The following EGLN1 variants were observed in gnomAD, a reference collection of about 807,000 sequenced individuals.
EGLN1 encodes egl-9 family hypoxia inducible factor 1.
A neutral mutation model predicts 38.3 loss-of-function variants in EGLN1; 17 were observed. The observed-to-expected ratio is 0.44, with a 90% confidence interval of 0.30 to 0.67. The LOEUF (loss-of-function observed/expected upper bound fraction) is 0.67, where lower values mean the gene tolerates loss of function less well. Among genes scored for constraint, EGLN1 ranks in the 30% least tolerant of loss-of-function variants. The pLI, the probability that EGLN1 is intolerant of heterozygous loss-of-function variation, is 0.08. For synonymous variants in EGLN1, 283 were observed against 257.5 expected, an observed-to-expected ratio of 1.10 and a Z score of -0.95; for missense variants, 477 against 603.3, an observed-to-expected ratio of 0.79 and a Z score of 2.19.
chr1:231,386,521 T>C (rs1688212149), intron 1 of EGLN1, among the ~76,000 whole-genome samples: 1 of 151,560 alleles, frequency 6.6e-6, no homozygotes, highest in South Asian at 2.1e-4. Flanking sequence ...TTTAATGTTA[T>C]TTGTTTTTTC....
chr1:231,404,649 G>C (rs961786918), intron 1 of EGLN1, among the ~76,000 whole-genome samples: 1 of 151,962 alleles, frequency 6.6e-6, no homozygotes, highest in Admixed American at 6.5e-5. Context: ...AAACTCATTT[G>C]TGTGTGAGAT....
At chr1:231,419,888 A>AC (rs1656510592) in intron 1 of EGLN1, among the ~76,000 whole-genome samples, 2 of 152,196 alleles carry the variant, frequency 1.3e-5, no homozygotes, top group Non-Finnish European at 2.9e-5. Flanking sequence ...ACCACTAGTT[A>AC]GAGTCAGCGT....
At chr1:231,401,593 T>C (rs1688665842) in intron 1 of EGLN1, among the ~76,000 whole-genome samples, 1 of 147,722 alleles carries the variant, frequency 6.8e-6, no homozygotes, top group African/African-American at 2.5e-5. Context: ...CTAAATAATT[T>C]ATGTTACAAT....
In EGLN1 at chr1:231,421,494, C is replaced by A; in HGVS notation, c.395G>T (p.Gly132Val). 8 of 1,345,660 alleles carry A rather than the reference C, an allele frequency of 5.9e-6. No homozygotes were observed. The highest frequency in any genetic ancestry group is 6.7e-6 in the Non-Finnish European group (7 of 1,050,018). 83.4% of individuals were successfully genotyped at this position (1,345,660 alleles called of 1,614,324 possible). Residue 132 changes from glycine to valine, a missense_variant, in exon 1 of 5, where the codon GGC becomes GTC. Physicochemically the swap from Gly to Val is moderately radical, Grantham distance 109 (BLOSUM62 -3). Coordinates refer to ENST00000366641, the MANE Select transcript of EGLN1 (RefSeq NM_022051.3). The surrounding 1 kb of genome is among the most constrained non-coding windows in gnomAD (Gnocchi z 5.5). ...AAASPCRAAAGGQGSAVAAEA... is the reference protein window; with the variant it reads ...AAASPCRAAAVGQGSAVAAEA... ...GGCAGCCACCGCCGAGCCCTGGCCG[C>A]CGGCGGCCGCACGACACGGCGACGC...
In EGLN1 at chr1:231,405,043, G is replaced by A. The variant is rs540173607; in HGVS notation, c.891+15955C>T. ...CCAGTAAAACCAAGTCAAGAATTCT[G>A]AATCTAAAATTGAATCTGAACTTCT... On this transcript the variant is annotated intron_variant, in intron 1 of 4. Coordinates refer to ENST00000366641, the MANE Select transcript of EGLN1 (RefSeq NM_022051.3). Among the ~76,000 whole-genome samples, 10 of 152,244 alleles carry A rather than the reference G, an allele frequency of 6.6e-5. No individual in the cohort carries two copies. In the South Asian group the frequency reaches 1.9e-3, roughly 28 times the overall value.
At chr1:231,383,932 T>C (rs561889629) in intron 1 of EGLN1, among the ~76,000 whole-genome samples, 1 of 152,260 alleles carries the variant, frequency 6.6e-6, no homozygotes, top group African/African-American at 2.4e-5. Context: ...TCATTGTAAT[T>C]GGCAAAAAAT....
chr1:231,417,515 C>T (rs1689115455), intron 1 of EGLN1, among the ~76,000 whole-genome samples: 1 of 152,120 alleles, frequency 6.6e-6, no homozygotes, highest in Admixed American at 6.6e-5. Context: ...CACTACTCTT[C>T]ACAAAACAGC....
intron 1 of EGLN1, among the ~76,000 whole-genome samples, chr1:231,392,235 C>T (rs909503472): frequency 2.6e-5 from 4 of 151,724 alleles, no homozygotes; most frequent in Admixed American, 1.3e-4. Flanking sequence ...TGCAGTTAGC[C>T]GAGATCGCGC....
At chr1:231,393,732 T>C (rs1461708462) in intron 1 of EGLN1, among the ~76,000 whole-genome samples, 1 of 152,146 alleles carries the variant, frequency 6.6e-6, no homozygotes, top group East Asian at 1.9e-4. Flanking sequence ...TTTCCAAATC[T>C]CATCCTGCCT....
intron 1 of EGLN1, among the ~76,000 whole-genome samples, chr1:231,392,080 G>A (rs1386744706): frequency 6.6e-6 from 1 of 152,136 alleles, no homozygotes; most frequent in Non-Finnish European, 1.5e-5. Flanking sequence ...GAGGTCAGGA[G>A]ATCAAGACCA....
intron 1 of EGLN1, among the ~76,000 whole-genome samples, chr1:231,409,215 C>G (rs1382210025): frequency 6.7e-6 from 1 of 148,680 alleles, no homozygotes; most frequent in African/African-American, 2.5e-5. Context: ...TCCAACTTAA[C>G]CTTTAGAAGT....
rs1381630711 is a variant in EGLN1 at position 231,365,664 on chromosome 1, A to G, written c.*747T>C. Reference sequence around the variant, plus strand: ...AAAACAAAACAAAACAAAAAAATTTAAACTCTTCTTGTGTCTTTTTCCTTG... The same window carrying G: ...AAAACAAAACAAAACAAAAAAATTTGAACTCTTCTTGTGTCTTTTTCCTTG... On this transcript the variant is annotated 3_prime_UTR_variant, in exon 5 of 5. Transcript: ENST00000366641. 2.0e-5 allele frequency: 3 copies of G among 152,358 alleles called. No homozygotes were observed. The highest frequency in any genetic ancestry group is 1.3e-4 in the Admixed American group (2 of 15,262). 9.4% of individuals were successfully genotyped at this position (152,358 alleles called of 1,614,324 possible).
intron 1 of EGLN1, among the ~76,000 whole-genome samples, chr1:231,393,790 A>G (rs946008621): frequency 2.6e-5 from 4 of 152,142 alleles, no homozygotes; most frequent in African/African-American, 9.7e-5. Flanking sequence ...AGAAAAAAAA[A>G]TGCTCACTGG....
At chr1:231,411,900 G>A (rs1253825242) in intron 1 of EGLN1, among the ~76,000 whole-genome samples, 1 of 151,588 alleles carries the variant, frequency 6.6e-6, no homozygotes, top group East Asian at 1.9e-4. Flanking sequence ...TCAGGAGGCT[G>A]AGGGAGGAGA....
rs1553353099 is a variant in EGLN1 at position 231,391,092 on chromosome 1, T to TGTG, written c.892-16994_892-16993insCAC. On this transcript the variant is annotated intron_variant, in intron 1 of 4. Transcript: ENST00000366641. ...ACAGGGAACTCATTCTGTTTTTTTT[T>TGTG]TGTGTGTGTGTGTGTGTGTGTGTGT... Among the ~76,000 whole-genome samples the TGTG allele has an allele frequency of 5.3e-3, 357 of 67,360 alleles. 50 individuals carry two copies. The highest frequency in any genetic ancestry group is 0.012 in the African/African-American group (245 of 21,056). The allele number at this position is 67,360 out of a possible 152,430, so 44.2% of individuals were successfully genotyped here.
At chr1:231,407,461 A>T (rs1688827671) in intron 1 of EGLN1, among the ~76,000 whole-genome samples, 1 of 152,168 alleles carries the variant, frequency 6.6e-6, no homozygotes, top group Non-Finnish European at 1.5e-5. Context: ...TTGCTCTTGA[A>T]AATTTTACTC....
chr1:231,386,052 G>T (rs1323815937), intron 1 of EGLN1, among the ~76,000 whole-genome samples: 3 of 151,634 alleles, frequency 2.0e-5, no homozygotes, highest in Non-Finnish European at 4.4e-5. Context: ...CTGGACTCAA[G>T]TGATCTGCCT....
intron 3 of EGLN1, 51 bp downstream of exon 3, chr1:231,370,511 C>T: frequency 6.3e-7 from 1 of 1,596,596 alleles, no homozygotes; most frequent in Non-Finnish European, 8.6e-7. Flanking sequence ...CTACAGATTC[C>T]CTCCTGTCCT....
chr1:231,398,050 A>G (rs1558390210), intron 1 of EGLN1, among the ~76,000 whole-genome samples: 1 of 152,244 alleles, frequency 6.6e-6, no homozygotes, highest in South Asian at 2.1e-4. Context: ...ACTACTATTC[A>G]GGGCAAATGC....
Sources: gnomAD v4.1 joint callset for allele counts (sites outside exome capture counted in the v4.1 genomes callset) on GRCh38, gnomAD v4.1.1 for gene constraint, Gnocchi (gnomAD v3.1) non-coding constraint, MANE v1.5 for transcripts, NCBI Gene and HGNC (gene_info 2026-07-23, HGNC 2026-07-21) for gene names.